Variants in SGCZ observed in about 807,000 individuals in gnomAD.
SGCZ encodes the protein zeta-sarcoglycan.
In SGCZ, 40 loss-of-function variants were observed where a neutral mutation model predicts 41.3. That is an observed-to-expected ratio of 0.97 (90% confidence interval 0.75 to 1.26). SGCZ has a LOEUF of 1.26. Among genes scored for constraint, SGCZ ranks in the 50% most tolerant of loss-of-function variants. The pLI is 0.00. For missense variants in SGCZ, 552 were observed against 369.8 expected, an observed-to-expected ratio of 1.49 and a Z score of -4.04; for synonymous variants, 206 against 137.5, an observed-to-expected ratio of 1.50 and a Z score of -3.49.
chr8:14,823,053 C>CAAAAAAAAAAA (rs1287129558), intron 1 of SGCZ, among the ~76,000 whole-genome samples: 1 of 69,392 alleles, frequency 1.4e-5, no homozygotes, highest in Non-Finnish European at 2.2e-5. Context: ...CACCAATCCT[C>CAAAAAAAAAAA]ATAAAAAAAA....
At chr8:14,907,520 A>G (rs1457353155) in intron 1 of SGCZ, among the ~76,000 whole-genome samples, 1 of 152,094 alleles carries the variant, frequency 6.6e-6, no homozygotes, top group East Asian at 1.9e-4. Flanking sequence ...CGCTTCAACT[A>G]TTGGAGGAGC....
intron 1 of SGCZ, among the ~76,000 whole-genome samples, chr8:15,019,643 G>A (rs551975108): frequency 1.3e-5 from 2 of 151,570 alleles, no homozygotes; most frequent in South Asian, 4.2e-4. Context: ...AGGGAGGTGG[G>A]GGGCATTCTC....
intron 1 of SGCZ, among the ~76,000 whole-genome samples, chr8:14,612,902 C>T (rs192835979): frequency 1.3e-5 from 2 of 152,182 alleles, no homozygotes; most frequent in Non-Finnish European, 2.9e-5. Context: ...CCCAGGGTAG[C>T]CTCGAACTCC....
chr8:14,625,193 C>G (rs73188107), intron 1 of SGCZ, among the ~76,000 whole-genome samples: 4 of 152,116 alleles, frequency 2.6e-5, no homozygotes, highest in Non-Finnish European at 5.9e-5. Flanking sequence ...ATAAGTTATT[C>G]TTATTTTAGT....
intron 4 of SGCZ, among the ~76,000 whole-genome samples, chr8:14,227,619 T>C (rs1806416680): frequency 6.6e-6 from 1 of 152,072 alleles, no homozygotes; most frequent in African/African-American, 2.4e-5. Flanking sequence ...AACCAAAGAA[T>C]GCTGATTAAG....
At chr8:15,188,537 T>A (rs749338708) in intron 1 of SGCZ, among the ~76,000 whole-genome samples, 3 of 152,158 alleles carry the variant, frequency 2.0e-5, no homozygotes, top group Non-Finnish European at 4.4e-5. Context: ...TTTTCACTCA[T>A]TGACATGATT....
At chr8:14,165,691 T>C (rs1804187467) in intron 4 of SGCZ, among the ~76,000 whole-genome samples, 1 of 152,134 alleles carries the variant, frequency 6.6e-6, no homozygotes, top group Non-Finnish European at 1.5e-5. Flanking sequence ...GTCAGGGAAG[T>C]AGGAATCACA....
intron 2 of SGCZ, among the ~76,000 whole-genome samples, chr8:14,331,827 G>C (rs1318902391): frequency 6.6e-6 from 1 of 151,440 alleles, no homozygotes; most frequent in Non-Finnish European, 1.5e-5. Flanking sequence ...TGTTCCTTTA[G>C]ATATGCAAAT....
intron 1 of SGCZ, among the ~76,000 whole-genome samples, chr8:14,608,665 A>T (rs1194392144): frequency 6.6e-6 from 1 of 150,946 alleles, no homozygotes; most frequent in African/African-American, 2.4e-5. Context: ...GGCTGGTGGA[A>T]GCTGTTTGGG....
At chr8:14,457,903 C>T (rs1020941135) in intron 2 of SGCZ, among the ~76,000 whole-genome samples, 11 of 152,234 alleles carry the variant, frequency 7.2e-5, no homozygotes, top group Admixed American at 2.6e-4. Flanking sequence ...TAGTGGTCCC[C>T]GGGGCCCAGC....
In SGCZ at chr8:15,131,688, C is replaced by T. The variant is rs75409874; in HGVS notation, c.39+105897G>A. Among the ~76,000 whole-genome samples, 728 of 152,272 alleles carry T rather than the reference C, an allele frequency of 4.8e-3. 3 individuals carry two copies. Among genetic ancestry groups the T allele is most frequent in the African/African-American group, 0.016 (681 of 41,556 alleles). On this transcript the variant is annotated intron_variant, in intron 1 of 7. Coordinates refer to ENST00000382080, the MANE Select transcript of SGCZ (RefSeq NM_139167.4). The stretch of plus-strand genomic sequence containing the variant: ...CTTCTCAAGGAAAAGTTTTTTCCTG[C>T]AGAACAGTTATTGAGTCCCCTAATA...
chr8:14,233,353 T>C (rs1397975229), intron 4 of SGCZ, among the ~76,000 whole-genome samples: 1 of 151,692 alleles, frequency 6.6e-6, no homozygotes, highest in African/African-American at 2.4e-5. Flanking sequence ...TTTACTGAAA[T>C]CAACCTATAC....
intron 1 of SGCZ, among the ~76,000 whole-genome samples, chr8:14,601,845 G>T (rs1208153121): frequency 1.3e-5 from 2 of 152,206 alleles, no homozygotes; most frequent in Non-Finnish European, 2.9e-5. Context: ...GTGGTGCCGG[G>T]CGCGGTGGCT....
At chr8:14,637,707 TTATC>T (rs1244713965) in intron 1 of SGCZ, among the ~76,000 whole-genome samples, 1 of 151,920 alleles carries the variant, frequency 6.6e-6, no homozygotes, top group East Asian at 1.9e-4. Context: ...CACATTTTCT[TTATC>T]TAACCCACTG....
At chr8:15,188,066 C>T (rs268349) in intron 1 of SGCZ, among the ~76,000 whole-genome samples, 80,675 of 151,774 alleles carry the variant, frequency 0.53, 23,876 homozygotes, top group African/African-American at 0.77. Flanking sequence ...AATGTATGCT[C>T]GTTTAATTTT....
At chr8:14,418,517 T>C (rs1799556987) in intron 2 of SGCZ, among the ~76,000 whole-genome samples, 1 of 151,940 alleles carries the variant, frequency 6.6e-6, no homozygotes, top group African/African-American at 2.4e-5. Context: ...AATTATATTT[T>C]ATCACGTTTT....
intron 1 of SGCZ, among the ~76,000 whole-genome samples, chr8:14,651,329 G>T (rs1807392161): frequency 6.6e-6 from 1 of 152,000 alleles, no homozygotes; most frequent in Non-Finnish European, 1.5e-5. Context: ...TTATTATTTA[G>T]AAGCATTTCA....
intron 1 of SGCZ, among the ~76,000 whole-genome samples, chr8:14,724,641 G>A (rs1013990839): frequency 4.0e-5 from 6 of 151,186 alleles, no homozygotes; most frequent in Admixed American, 4.0e-4. Flanking sequence ...AAGACCAAGC[G>A]TTTCTCTTTC....
At chr8:14,538,846 T>A (rs907310768) in intron 2 of SGCZ, among the ~76,000 whole-genome samples, 1 of 151,868 alleles carries the variant, frequency 6.6e-6, no homozygotes, top group African/African-American at 2.4e-5. Flanking sequence ...ATAGACCAAG[T>A]GTGCATTCTA....
Sources: gnomAD v4.1 joint callset for allele counts (sites outside exome capture counted in the v4.1 genomes callset) on GRCh38, gnomAD v4.1.1 for gene constraint, MANE v1.5 for transcripts, NCBI Gene and HGNC (gene_info 2026-07-23, HGNC 2026-07-21) for gene names.